Variants in SHC3 observed in about 807,000 individuals in gnomAD.
The protein encoded by SHC3 is SHC-transforming protein 3.
A neutral mutation model predicts 60.4 loss-of-function variants in SHC3; 15 were observed. The observed-to-expected ratio is 0.25, with a 90% CI of 0.17 to 0.38. The LOEUF is 0.38. Among genes scored for constraint, SHC3 ranks in the 10% least tolerant of loss-of-function variants. The pLI is 1.00. For missense variants in SHC3, 677 were observed against 786.1 expected (o/e 0.86, Z 1.66); for synonymous variants, 294 against 325.9 (o/e 0.90, Z 1.05).
chr9:89,141,053 A>G (rs934982969), intron 1 of SHC3, among the ~76,000 whole-genome samples: 5 of 152,190 alleles, frequency 3.3e-5, no homozygotes, highest in African/African-American at 1.2e-4. Context: ...AACAGCCAAT[A>G]TTTCTGGCTC....
chr9:89,062,289 G>A (rs910112567), intron 6 of SHC3, among the ~76,000 whole-genome samples: 5 of 152,218 alleles, frequency 3.3e-5, no homozygotes, highest in Non-Finnish European at 5.9e-5. Context: ...ACAGGTGCCA[G>A]TAGTCATCAC....
At chr9:89,149,443 T>C (rs934986033) in intron 1 of SHC3, among the ~76,000 whole-genome samples, 1 of 152,176 alleles carries the variant, frequency 6.6e-6, no homozygotes, top group Non-Finnish European at 1.5e-5. Flanking sequence ...AGGGAAATAA[T>C]CAAAAATGCA....
chr9:89,080,413 T>C (rs1046733775), intron 2 of SHC3, among the ~76,000 whole-genome samples: 21 of 152,316 alleles, frequency 1.4e-4, no homozygotes, highest in Middle Eastern at 3.4e-3. Context: ...GAACCCTCAT[T>C]GTCCTCATGA....
intron 6 of SHC3, among the ~76,000 whole-genome samples, chr9:89,060,610 A>C (rs1386717717): frequency 6.6e-6 from 1 of 151,958 alleles, no homozygotes; most frequent in Non-Finnish European, 1.5e-5. Flanking sequence ...GATCATAGGA[A>C]GTGAGACGGG....
At chr9:89,072,316 T>A (rs962804879) in intron 4 of SHC3, among the ~76,000 whole-genome samples, 12 of 152,176 alleles carry the variant, frequency 7.9e-5, no homozygotes, top group African/African-American at 2.9e-4. Context: ...CCATGCCTCT[T>A]CCAGAAGGAA....
At chr9:89,102,139 C>A (rs374390593) in intron 2 of SHC3, among the ~76,000 whole-genome samples, 1 of 152,090 alleles carries the variant, frequency 6.6e-6, no homozygotes, top group Non-Finnish European at 1.5e-5. Flanking sequence ...ATTATTCTCT[C>A]AGTGTCTACA....
intron 10 of SHC3, among the ~76,000 whole-genome samples, chr9:89,039,177 C>T (rs886968709): frequency 4.6e-5 from 7 of 152,222 alleles, no homozygotes; most frequent in Non-Finnish European, 7.3e-5. Flanking sequence ...CACATACATA[C>T]AACATAAGCA....
Position 89,009,371 on chromosome 9 carries a change from C to A in SHC3, c.*4076G>T, listed in dbSNP as rs1310339024. 1 of 152,196 alleles carries A rather than the reference C, an allele frequency of 6.6e-6. No individual in the cohort carries two copies. Among genetic ancestry groups the A allele is most frequent in the Non-Finnish European group, 1.5e-5 (1 of 68,044 alleles). The allele number at this position is 152,196 out of a possible 1,614,324, so 9.4% of individuals were successfully genotyped here. A position where few individuals can be genotyped will look rare whatever the true frequency, so the allele number is the denominator to read the frequency against. On this transcript the variant is annotated 3_prime_UTR_variant, in exon 12 of 12. Transcript: ENST00000375835. The stretch of plus-strand genomic sequence containing the variant: ...AAGGTCTGTCTGAGTCCTGCAATGA[C>A]CTCTTTGCAATCTTTCCACAATCTT...
chr9:89,135,415 A>T (rs1288925225), intron 1 of SHC3, among the ~76,000 whole-genome samples: 2 of 152,172 alleles, frequency 1.3e-5, no homozygotes, highest in Non-Finnish European at 2.9e-5. Context: ...TGGCTTTAAA[A>T]AAAAGTCTTA....
intron 2 of SHC3, among the ~76,000 whole-genome samples, chr9:89,085,339 T>G (rs1220426061): frequency 6.6e-6 from 1 of 152,214 alleles, no homozygotes. Context: ...TCTGTTCACT[T>G]TTCCTTGTAA....
chr9:89,056,970 C>T (rs1290997311), intron 6 of SHC3, among the ~76,000 whole-genome samples: 1 of 152,274 alleles, frequency 6.6e-6, no homozygotes, highest in East Asian at 1.9e-4. Flanking sequence ...CCATCAGCCT[C>T]TCCAGGGTGG....
At chr9:89,160,734 A>C (rs1341372481) in intron 1 of SHC3, among the ~76,000 whole-genome samples, 2 of 152,174 alleles carry the variant, frequency 1.3e-5, no homozygotes, top group South Asian at 4.1e-4. Flanking sequence ...TCTTACGGAA[A>C]CCTTTCTGTA....
chr9:89,152,313 C>A (rs139836270), intron 1 of SHC3, among the ~76,000 whole-genome samples: 8 of 152,340 alleles, frequency 5.3e-5, no homozygotes, highest in African/African-American at 4.8e-5. Flanking sequence ...TTGGCCTGGG[C>A]ATAGATCAAT....
At chr9:89,155,786 C>G (rs1289615854) in intron 1 of SHC3, among the ~76,000 whole-genome samples, 1 of 152,168 alleles carries the variant, frequency 6.6e-6, no homozygotes, top group Non-Finnish European at 1.5e-5. Context: ...CTCTGGTTAA[C>G]TGACTTGGCA....
At chr9:89,049,364 T>G (rs1824826017) in intron 7 of SHC3, among the ~76,000 whole-genome samples, 1 of 152,230 alleles carries the variant, frequency 6.6e-6, no homozygotes, top group Admixed American at 6.5e-5. Flanking sequence ...TCCTGTCTAC[T>G]ACATTTTCTT....
chr9:89,114,434 A>G (rs1253340598), intron 1 of SHC3, among the ~76,000 whole-genome samples: 2 of 151,820 alleles, frequency 1.3e-5, no homozygotes, highest in African/African-American at 4.9e-5. Flanking sequence ...GATTGAAAAT[A>G]GAAAAAAAAA....
intron 3 of SHC3, among the ~76,000 whole-genome samples, chr9:89,077,243 C>A (rs1285497000): frequency 2.0e-5 from 3 of 151,880 alleles, no homozygotes; most frequent in African/African-American, 7.2e-5. Flanking sequence ...CTTCCTAATT[C>A]TTTTGCTGCA....
At chr9:89,021,589 C>A (rs1826201750) in intron 11 of SHC3, among the ~76,000 whole-genome samples, 1 of 152,302 alleles carries the variant, frequency 6.6e-6, no homozygotes, top group East Asian at 1.9e-4. Context: ...GGAAAGTGAG[C>A]AGTGGCTCTC....
At chr9:89,106,785 C>T (rs747873237) in intron 2 of SHC3, among the ~76,000 whole-genome samples, 3 of 152,144 alleles carry the variant, frequency 2.0e-5, no homozygotes, top group African/African-American at 7.2e-5. Context: ...ACCAAGAAAA[C>T]GGCTTGTGGG....
Sources: gnomAD v4.1 joint callset for allele counts (sites outside exome capture counted in the v4.1 genomes callset) on GRCh38, gnomAD v4.1.1 for gene constraint, MANE v1.5 for transcripts, NCBI Gene and HGNC (gene_info 2026-07-23, HGNC 2026-07-21) for gene names.